Variants in LRRTM4 observed in about 807,000 individuals in gnomAD.
The protein encoded by LRRTM4 is leucine-rich repeat transmembrane neuronal protein 4.
Under a neutral mutation model 47.6 loss-of-function variants are expected in LRRTM4, and 25 were observed. The ratio of observed to expected loss-of-function variants is 0.53; its 90% CI spans 0.38 to 0.73. LRRTM4 has a LOEUF of 0.73. Among genes scored for constraint, LRRTM4 ranks in the 30% least tolerant of loss-of-function variants. LRRTM4 has a pLI of 0.00. For synonymous variants in LRRTM4, 311 were observed against 269.5 expected (o/e 1.15, Z -1.51); for missense variants, 638 against 713.4 (o/e 0.89, Z 1.20).
chr2:77,404,133 C>T (rs73942705), intron 3 of LRRTM4, among the ~76,000 whole-genome samples: 4,925 of 151,930 alleles, frequency 0.032, 271 homozygotes, highest in African/African-American at 0.11. Context: ...CTTTCATATA[C>T]AAGAGTAATC....
intron 3 of LRRTM4, among the ~76,000 whole-genome samples, chr2:76,842,372 T>C (rs142071701): frequency 5.3e-5 from 8 of 152,308 alleles, no homozygotes; most frequent in African/African-American, 1.7e-4. Flanking sequence ...TGTAAGTCAA[T>C]AGCTTATAAT....
intron 3 of LRRTM4, among the ~76,000 whole-genome samples, chr2:76,794,057 A>T (rs1315524390): frequency 6.6e-6 from 1 of 152,194 alleles, no homozygotes; most frequent in East Asian, 1.9e-4. Flanking sequence ...TCCAACCAGG[A>T]ACTAAGAATT....
chr2:76,951,334 T>C (rs555515893), intron 3 of LRRTM4, among the ~76,000 whole-genome samples: 1 of 152,022 alleles, frequency 6.6e-6, no homozygotes, highest in East Asian at 1.9e-4. Context: ...GGATGGCTTC[T>C]CTTTCAGTCA....
At chr2:77,088,119 G>C (rs573408786) in intron 3 of LRRTM4, among the ~76,000 whole-genome samples, 3 of 152,298 alleles carry the variant, frequency 2.0e-5, no homozygotes, top group African/African-American at 7.2e-5. Context: ...GAACAAAGAG[G>C]AGAAAAGAGA....
chr2:77,342,963 C>A (rs116375668), intron 3 of LRRTM4, among the ~76,000 whole-genome samples: 1 of 151,922 alleles, frequency 6.6e-6, no homozygotes, highest in African/African-American at 2.4e-5. Flanking sequence ...CATAATGATA[C>A]TCTTTAGCTT....
At chr2:77,053,122 AC>A (rs1272311819) in intron 3 of LRRTM4, among the ~76,000 whole-genome samples, 2 of 152,194 alleles carry the variant, frequency 1.3e-5, no homozygotes, top group African/African-American at 4.8e-5. Context: ...GTTTAAAGAA[AC>A]CGTAACTAGT....
At chr2:76,939,880 C>T (rs1675077509) in intron 3 of LRRTM4, among the ~76,000 whole-genome samples, 1 of 152,108 alleles carries the variant, frequency 6.6e-6, no homozygotes, top group Non-Finnish European at 1.5e-5. Context: ...ATTATTCTTG[C>T]TTGATACCAC....
At chr2:77,069,408 TG>T (rs1680073599) in intron 3 of LRRTM4, among the ~76,000 whole-genome samples, 2 of 141,360 alleles carry the variant, frequency 1.4e-5, no homozygotes, top group Non-Finnish European at 3.0e-5. Context: ...ACTATGTGTG[TG>T]TGTGTGTGTG....
intron 3 of LRRTM4, among the ~76,000 whole-genome samples, chr2:77,419,555 C>A (rs1427202689): frequency 1.3e-5 from 2 of 151,698 alleles, no homozygotes; most frequent in Non-Finnish European, 2.9e-5. Flanking sequence ...GAAACAATGA[C>A]AAGAAAAAAA....
chr2:77,516,894 C>CTATG (rs1011277477), intron 3 of LRRTM4: 1 of 984,718 alleles, frequency 1.0e-6, no homozygotes, highest in Non-Finnish European at 1.2e-6. Context: ...GTAGTTAGGA[C>CTATG]TATGGAAAAA....
chr2:77,344,647 A>T (rs1465174769), intron 3 of LRRTM4, among the ~76,000 whole-genome samples: 1 of 151,896 alleles, frequency 6.6e-6, no homozygotes, highest in Non-Finnish European at 1.5e-5. Context: ...AATGACTGAA[A>T]ACTTCCAAAA....
intron 3 of LRRTM4, among the ~76,000 whole-genome samples, chr2:77,357,859 G>C (rs1672028450): frequency 6.6e-6 from 1 of 151,708 alleles, no homozygotes; most frequent in African/African-American, 2.4e-5. Context: ...AACAGAGATG[G>C]GTAAAAAATA....
intron 3 of LRRTM4, among the ~76,000 whole-genome samples, chr2:77,457,022 A>ATATATATATATATATATATATATATG (rs1676583190): frequency 4.8e-5 from 1 of 20,742 alleles, no homozygotes; most frequent in Admixed American, 4.9e-4. Flanking sequence ...ATATATATAT[A>ATATATATATATATATATATATATATG]TATATATATA....
chr2:77,289,263 T>C (rs1215691202), intron 3 of LRRTM4, among the ~76,000 whole-genome samples: 1 of 152,046 alleles, frequency 6.6e-6, no homozygotes. Flanking sequence ...ATTTAGGTAC[T>C]AATACAGAAT....
At chr2:77,072,269 T>C (rs1209446531) in intron 3 of LRRTM4, among the ~76,000 whole-genome samples, 3 of 152,104 alleles carry the variant, frequency 2.0e-5, no homozygotes, top group Non-Finnish European at 4.4e-5. Context: ...ATTTAAAAAG[T>C]ATAGGTTAAT....
intron 3 of LRRTM4, among the ~76,000 whole-genome samples, chr2:77,298,496 C>T (rs1677037622): frequency 6.6e-6 from 1 of 152,164 alleles, no homozygotes; most frequent in Admixed American, 6.5e-5. Flanking sequence ...CTCGGCCTCC[C>T]AAAGTGCTGG....
chr2:76,842,292 A>G (rs1259732529), intron 3 of LRRTM4, among the ~76,000 whole-genome samples: 1 of 152,160 alleles, frequency 6.6e-6, no homozygotes, highest in Non-Finnish European at 1.5e-5. Context: ...TCAGGCCTTC[A>G]TACTACACCG....
intron 3 of LRRTM4, among the ~76,000 whole-genome samples, chr2:76,970,385 G>GA (rs1192160764): frequency 1.3e-5 from 2 of 151,812 alleles, no homozygotes; most frequent in Admixed American, 6.6e-5. Context: ...TGTGAATAGT[G>GA]AAAAAATCAT....
intron 3 of LRRTM4, among the ~76,000 whole-genome samples, chr2:76,981,922 TCA>T (rs1280352976): frequency 1.3e-5 from 2 of 152,050 alleles, no homozygotes; most frequent in Non-Finnish European, 2.9e-5. Context: ...TTGAGGAGTC[TCA>T]GTTTCTGGAA....
Sources: gnomAD v4.1 joint callset for allele counts (sites outside exome capture counted in the v4.1 genomes callset) on GRCh38, gnomAD v4.1.1 for gene constraint, MANE v1.5 for transcripts, NCBI Gene and HGNC (gene_info 2026-07-23, HGNC 2026-07-21) for gene names.